MS4A4A: variants seen among roughly 807,000 people sequenced by gnomAD.
The protein encoded by MS4A4A is membrane-spanning 4-domains subfamily A member 4A.
MS4A4A carries 26 observed loss-of-function variants against 28.0 expected under a neutral mutation model. The ratio of observed to expected loss-of-function variants is 0.93; its 90% confidence interval spans 0.68 to 1.29. The LOEUF (loss-of-function observed/expected upper bound fraction) is 1.29, where lower values mean the gene tolerates loss of function less well. Among genes scored for constraint, MS4A4A ranks in the 50% most tolerant of loss-of-function variants. The pLI, the probability that MS4A4A is intolerant of heterozygous loss-of-function variation, is 0.00. For missense variants in MS4A4A, 290 were observed against 293.1 expected (o/e 0.99, Z 0.08); for synonymous variants, 86 against 100.8 (o/e 0.85, Z 0.88).
At chr11:60,300,901 CT>C (rs779242000) in intron 3 of MS4A4A, 99 bp from the exon 4 acceptor site, 38 of 810,272 alleles carry the variant, frequency 4.7e-5, no homozygotes, top group Non-Finnish European at 7.1e-5. Flanking sequence ...GATAATTGGT[CT>C]GATTAACATA....
rs1345149542 is a variant in MS4A4A, at chr11:60,301,061, A to G, written c.387+4A>G. 5 of 1,582,588 alleles carry G rather than the reference A, an allele frequency of 3.2e-6. No individual in the cohort carries two copies. Among genetic ancestry groups the G allele is most frequent in the Non-Finnish European group, 4.3e-6 (5 of 1,166,624 alleles). ...AATTAGAACTACAAAAGGCCTGGTG[A>G]GTAATATTTTCTTTTTTTGGTATCA... On this transcript the variant is annotated splice_donor_region_variant and intron_variant, in intron 4 of 6. Coordinates refer to ENST00000337908, the MANE Select transcript of MS4A4A (RefSeq NM_148975.3).
chr11:60,281,613 G>A (rs2084756080), intron 1 of MS4A4A, among the ~76,000 whole-genome samples: 1 of 152,030 alleles, frequency 6.6e-6, no homozygotes, highest in South Asian at 2.1e-4. Flanking sequence ...TGACAACTTT[G>A]CCAAGAAAAA....
intron 5 of MS4A4A, among the ~76,000 whole-genome samples, chr11:60,303,147 TTTGGATGTTC>T (rs1246378753): frequency 6.6e-6 from 1 of 152,224 alleles, no homozygotes; most frequent in Non-Finnish European, 1.5e-5. Flanking sequence ...TTCCAACATC[TTTGGATGTTC>T]TTGCAAGGTT....
intron 2 of MS4A4A, among the ~76,000 whole-genome samples, chr11:60,295,730 C>T (rs1184840921): frequency 6.6e-5 from 10 of 151,956 alleles, no homozygotes; most frequent in Non-Finnish European, 1.2e-4. Flanking sequence ...ATTTTTTCTG[C>T]GTCTGTTAAT....
intron 1 of MS4A4A, among the ~76,000 whole-genome samples, chr11:60,284,544 T>G (rs1300357103): frequency 3.9e-5 from 6 of 152,192 alleles, no homozygotes; most frequent in Admixed American, 3.3e-4. Flanking sequence ...TGACTCTTCC[T>G]CTCTTTTGCA....
At chr11:60,293,150 C>T (rs1242871886) in intron 2 of MS4A4A, among the ~76,000 whole-genome samples, 4 of 152,084 alleles carry the variant, frequency 2.6e-5, no homozygotes, top group East Asian at 1.9e-4. Context: ...CTCCGTCTTC[C>T]GGGTTCAAGA....
intron 1 of MS4A4A, among the ~76,000 whole-genome samples, chr11:60,286,892 G>C (rs1246829014): frequency 6.6e-6 from 1 of 152,156 alleles, no homozygotes; most frequent in Non-Finnish European, 1.5e-5. Flanking sequence ...TAATGGATAA[G>C]GATTTACTAG....
intron 3 of MS4A4A, among the ~76,000 whole-genome samples, chr11:60,299,663 C>A (rs2084935045): frequency 6.6e-6 from 1 of 151,826 alleles, no homozygotes. Context: ...TTAGTACAGA[C>A]GGGGTTTCAC....
chr11:60,281,960 C>T (rs2084758434), intron 1 of MS4A4A, among the ~76,000 whole-genome samples: 1 of 152,152 alleles, frequency 6.6e-6, no homozygotes, highest in Non-Finnish European at 1.5e-5. Flanking sequence ...AAGTCAAGCC[C>T]TGGATGGTAA....
At chr11:60,283,957 G>C (rs912525273) in intron 1 of MS4A4A, among the ~76,000 whole-genome samples, 1 of 152,082 alleles carries the variant, frequency 6.6e-6, no homozygotes, top group South Asian at 2.1e-4. Flanking sequence ...CCACCTCTAC[G>C]TAGTCTTGTT....
chr11:60,288,201 A>T (rs1290381494), intron 1 of MS4A4A, among the ~76,000 whole-genome samples: 2 of 152,240 alleles, frequency 1.3e-5, no homozygotes, highest in African/African-American at 2.4e-5. Flanking sequence ...TATTTGTGAC[A>T]TCCTTTGAAA....
chr11:60,296,526 C>T (rs74671520), intron 2 of MS4A4A, among the ~76,000 whole-genome samples: 5,584 of 151,902 alleles, frequency 0.037, 157 homozygotes, highest in East Asian at 0.14. Flanking sequence ...GTTTAATTTG[C>T]ACTTCTTTTT....
chr11:60,299,752 C>T (rs778516493), intron 3 of MS4A4A, among the ~76,000 whole-genome samples: 20 of 152,302 alleles, frequency 1.3e-4, no homozygotes, highest in Non-Finnish European at 2.1e-4. Flanking sequence ...TGTGCCACCA[C>T]GCCCTGCCAA....
At chr11:60,294,253 C>T (rs1296745912) in intron 2 of MS4A4A, among the ~76,000 whole-genome samples, 1 of 152,122 alleles carries the variant, frequency 6.6e-6, no homozygotes, top group Admixed American at 6.5e-5. Flanking sequence ...ATCTCTATAT[C>T]TTCTTTCGTA....
chr11:60,297,465 C>G, intron 3 of MS4A4A, 140 bp downstream of exon 3: 1 of 926,750 alleles, frequency 1.1e-6, no homozygotes, highest in Non-Finnish European at 1.6e-6. Context: ...ACTCAATTTT[C>G]TCATATTTAA....
chr11:60,303,181 C>T (rs575092249), intron 5 of MS4A4A, among the ~76,000 whole-genome samples: 9 of 152,160 alleles, frequency 5.9e-5, no homozygotes, highest in Admixed American at 2.6e-4. Flanking sequence ...CACTTTTATC[C>T]TCAACATCTA....
chr11:60,289,591 GTGTA>G (rs1231169462), intron 1 of MS4A4A, among the ~76,000 whole-genome samples: 10 of 60,906 alleles, frequency 1.6e-4, no homozygotes, highest in African/African-American at 3.7e-4. Flanking sequence ...GTGTGTGTGT[GTGTA>G]TGTGTGTGTG....
At chr11:60,291,623 C>T (rs889331944) in intron 1 of MS4A4A, among the ~76,000 whole-genome samples, 23 of 151,934 alleles carry the variant, frequency 1.5e-4, no homozygotes, top group African/African-American at 5.3e-4. Context: ...CATGGTGAAA[C>T]TCTGTCTCTA....
At chr11:60,300,742 T>C (rs2084946746) in intron 3 of MS4A4A, among the ~76,000 whole-genome samples, 1 of 152,126 alleles carries the variant, frequency 6.6e-6, no homozygotes, top group South Asian at 2.1e-4. Context: ...TTGGAAACTA[T>C]CTTTTAGTGC....
Sources: allele counts gnomAD v4.1 joint callset (sites outside exome capture counted in the v4.1 genomes callset), GRCh38; gene constraint gnomAD v4.1.1; transcripts MANE v1.5; gene names NCBI Gene and HGNC (gene_info 2026-07-23, HGNC 2026-07-21).